TPCN1: variants seen among roughly 807,000 people sequenced by gnomAD.
The protein encoded by TPCN1 is two pore channel protein 1.
A neutral mutation model predicts 108.8 loss-of-function variants in TPCN1; 52 were observed. The ratio of observed to expected loss-of-function variants is 0.48; its 90% confidence interval spans 0.38 to 0.60. The LOEUF is 0.60. TPCN1 is among the 20% of genes least tolerant of loss of function. The probability of loss-of-function intolerance (pLI) is 0.00; values close to 1 mark genes in which losing one functional copy is unlikely to be tolerated. For missense variants in TPCN1, 806 were observed against 1,072.8 expected (o/e 0.75, Z 3.47); for synonymous variants, 446 against 433.7 (o/e 1.03, Z -0.35).
intron 3 of TPCN1, among the ~76,000 whole-genome samples, chr12:113,263,926 C>T (rs1955143373): frequency 6.6e-6 from 1 of 152,152 alleles, no homozygotes. Context: ...GGTGATATTT[C>T]CATCTGTTGG....
chr12:113,273,657 A>C lies in TPCN1; in HGVS notation c.931A>C (p.Ile311Leu). The C allele has an allele frequency of 6.2e-7, 1 of 1,614,026 alleles. No homozygotes were observed. Among genetic ancestry groups the C allele is most frequent in the Non-Finnish European group, 8.5e-7 (1 of 1,179,882 alleles). ...GTACCTCTCCATCGAGCTGTATTTC[A>C]TCATGAACCTGGTGAGTGACTATGC... ...IVYLSIELYF[I>L]MNLLLAVVFD... Residue 311 changes from isoleucine to leucine, a missense_variant, in exon 10 of 28, where the codon ATC (isoleucine) becomes CTC (leucine). Transcript: ENST00000335509. The surrounding 1 kb of genome is among the most constrained non-coding windows in gnomAD (Gnocchi z 4.0).
intron 14 of TPCN1, 74 bp from the exon 15 acceptor site, chr12:113,280,077 T>G: frequency 8.3e-7 from 1 of 1,201,530 alleles, no homozygotes; most frequent in East Asian, 2.4e-5. Context: ...CAGAAAGAGA[T>G]AATAATAATT....
chr12:113,273,571 T>G lies in TPCN1; in HGVS notation c.845T>G (p.Phe282Cys). 1 of 1,613,794 alleles carries G rather than the reference T, an allele frequency of 6.2e-7. No homozygotes were observed. Among genetic ancestry groups the G allele is most frequent in the Non-Finnish European group, 8.5e-7 (1 of 1,179,670 alleles). The change falls in exon 10 of 28, where the codon TTC becomes TGC. Residue 282 changes from phenylalanine to cysteine, a missense_variant and splice_region_variant. Coordinates refer to ENST00000335509, the MANE Select transcript of TPCN1 (RefSeq NM_017901.6). This position sits in a 1 kb window ranked among gnomAD's most constrained non-coding sequence, Gnocchi z 4.0. ...CGGGTCACCCTCTGCAAATACAGTT[T>G]CCCAGATGTGATGATGCCCTCCTAC... ...SLFVLLTTAN[F>C]PDVMMPSYSR...
At chr12:113,227,609 A>G (rs773068334) in intron 2 of TPCN1, among the ~76,000 whole-genome samples, 16 of 152,198 alleles carry the variant, frequency 1.1e-4, no homozygotes, top group Non-Finnish European at 1.8e-4. Flanking sequence ...TCTGGTTCTC[A>G]TCCCGAAGCC....
intron 2 of TPCN1, among the ~76,000 whole-genome samples, chr12:113,255,792 A>G (rs556582329): frequency 2.0e-5 from 3 of 151,696 alleles, no homozygotes; most frequent in Non-Finnish European, 4.4e-5. Context: ...GGCCTCCCTA[A>G]GTGCTAGGAT....
intron 10 of TPCN1, among the ~76,000 whole-genome samples, chr12:113,276,698 T>G (rs1955683805): frequency 6.6e-6 from 1 of 152,126 alleles, no homozygotes; most frequent in Non-Finnish European, 1.5e-5. Context: ...CCTTCATGTA[T>G]CTGAAGAGGG....
At chr12:113,275,170 C>T (rs1430351778) in intron 10 of TPCN1, among the ~76,000 whole-genome samples, 1 of 152,214 alleles carries the variant, frequency 6.6e-6, no homozygotes, top group Non-Finnish European at 1.5e-5. Flanking sequence ...CCAGTCACCA[C>T]AGTCAGGCCC....
intron 23 of TPCN1, 191 bp from the exon 24 acceptor site, chr12:113,291,418 G>T: frequency 1.6e-6 from 1 of 615,732 alleles, no homozygotes; most frequent in Admixed American, 2.8e-5. Context: ...CCAGGGGAGT[G>T]GCCAGGGCTC....
chr12:113,238,107 C>T (rs1021890729), intron 2 of TPCN1, among the ~76,000 whole-genome samples: 2 of 152,212 alleles, frequency 1.3e-5, no homozygotes, highest in African/African-American at 4.8e-5. Context: ...TCCTCCTTCA[C>T]GATAAAGCCC....
At chr12:113,290,097 C>T (rs758495217) in intron 21 of TPCN1, 31 bp from the exon 22 acceptor site, 89 of 1,424,212 alleles carry the variant, frequency 6.2e-5, no homozygotes, top group Non-Finnish European at 8.4e-5. Context: ...CCTTGTGACC[C>T]TCCCTCCTTT....
intron 27 of TPCN1, among the ~76,000 whole-genome samples, chr12:113,294,765 G>C (rs1356206563): frequency 6.6e-6 from 1 of 152,158 alleles, no homozygotes; most frequent in Non-Finnish European, 1.5e-5. Context: ...TCCAGACCAT[G>C]GGCCACCAGC....
intron 19 of TPCN1, among the ~76,000 whole-genome samples, chr12:113,287,773 C>T (rs1015778173): frequency 1.2e-4 from 19 of 152,188 alleles, no homozygotes; most frequent in Admixed American, 7.8e-4. Context: ...GCCTCCGTCC[C>T]GCCCCCTGCC....
intron 11 of TPCN1, 63 bp downstream of exon 11, chr12:113,277,098 C>A: frequency 6.3e-7 from 1 of 1,595,978 alleles, no homozygotes; most frequent in Non-Finnish European, 8.6e-7. Context: ...CAGAGCAGCC[C>A]CTAAGCATGG....
At chr12:113,252,672 G>A (rs1054030811) in intron 2 of TPCN1, among the ~76,000 whole-genome samples, 5 of 152,224 alleles carry the variant, frequency 3.3e-5, no homozygotes, top group Non-Finnish European at 5.9e-5. Flanking sequence ...TGTGGAGGTC[G>A]TGGAGGACAG....
chr12:113,268,707 A>C lies in TPCN1; in HGVS notation c.529-35A>C. On this transcript the variant is annotated intron_variant, in intron 5 of 27. Transcript: ENST00000335509. This position sits in a 1 kb window ranked among gnomAD's most constrained non-coding sequence, Gnocchi z 7.3. ...GTATGCAGGATGACGGCTGGGCTGC[A>C]GGGGCTGACGGTGCTCCATGCCTGC... 6.2e-7 allele frequency: 1 copy of C among 1,609,742 alleles called. No individual in the cohort carries two copies. Among genetic ancestry groups the C allele is most frequent in the Non-Finnish European group, 8.5e-7 (1 of 1,178,726 alleles).
At chr12:113,224,951 A>C (rs1223729696) in intron 1 of TPCN1, among the ~76,000 whole-genome samples, 1 of 151,090 alleles carries the variant, frequency 6.6e-6, no homozygotes, top group Non-Finnish European at 1.5e-5. Flanking sequence ...GGGTTTCTTC[A>C]TTTTGGCCAG....
At chr12:113,256,328 C>G (rs1458957261) in intron 2 of TPCN1, among the ~76,000 whole-genome samples, 4 of 150,594 alleles carry the variant, frequency 2.7e-5, no homozygotes, top group African/African-American at 9.8e-5. Flanking sequence ...CACTATATTC[C>G]CCAGGCTGGG....
At chr12:113,227,243 G>A (rs1483716508) in intron 2 of TPCN1, among the ~76,000 whole-genome samples, 1 of 152,182 alleles carries the variant, frequency 6.6e-6, no homozygotes, top group East Asian at 1.9e-4. Context: ...TGGCCTGCCT[G>A]TGGATGCTTG....
At chr12:113,221,868 G>T (rs1168944401) in intron 1 of TPCN1, among the ~76,000 whole-genome samples, 1 of 152,136 alleles carries the variant, frequency 6.6e-6, no homozygotes, top group Non-Finnish European at 1.5e-5. Context: ...TCCCAGCCAG[G>T]GGCTGGGAGC....
Sources: gnomAD v4.1 joint callset for allele counts (sites outside exome capture counted in the v4.1 genomes callset) on GRCh38, gnomAD v4.1.1 for gene constraint, Gnocchi (gnomAD v3.1) non-coding constraint, MANE v1.5 for transcripts, NCBI Gene and HGNC (gene_info 2026-07-23, HGNC 2026-07-21) for gene names.